Variants in SNTB1 observed in about 807,000 individuals in gnomAD.
SNTB1 encodes the protein beta-1-syntrophin.
In SNTB1, 36 loss-of-function variants were observed where a neutral mutation model predicts 48.9. That is an observed-to-expected ratio of 0.74 (90% CI 0.56 to 0.97). The LOEUF (loss-of-function observed/expected upper bound fraction) is 0.97, where lower values mean the gene tolerates loss of function less well. Ranked by LOEUF, SNTB1 falls within the 50% of genes least tolerant of loss-of-function variation. SNTB1 has a pLI of 0.00. For synonymous variants in SNTB1, 299 were observed against 294.6 expected (o/e 1.01, Z -0.15); for missense variants, 786 against 703.4 (o/e 1.12, Z -1.33).
At chr8:120,685,673 C>G (rs1818019016) in intron 2 of SNTB1, among the ~76,000 whole-genome samples, 1 of 152,172 alleles carries the variant, frequency 6.6e-6, no homozygotes. Context: ...TCAAAGGTTA[C>G]ACTCTTTGTA....
intron 2 of SNTB1, among the ~76,000 whole-genome samples, chr8:120,678,091 ACAC>A (rs1817868171): frequency 1.3e-5 from 2 of 152,186 alleles, no homozygotes; most frequent in African/African-American, 2.4e-5. Context: ...GGTGAAAAAA[ACAC>A]CACATTATAA....
intron 2 of SNTB1, among the ~76,000 whole-genome samples, chr8:120,690,837 A>G (rs1419646542): frequency 6.6e-6 from 1 of 152,068 alleles, no homozygotes; most frequent in African/African-American, 2.4e-5. Context: ...CTCTTCTTCT[A>G]CCATGGGCAA....
chr8:120,591,857 G>A (rs1309945111), intron 3 of SNTB1, among the ~76,000 whole-genome samples: 1 of 151,994 alleles, frequency 6.6e-6, no homozygotes, highest in East Asian at 1.9e-4. Context: ...CAGTCTCAGT[G>A]GCTACAAAGA....
chr8:120,809,873 G>C (rs1820397153), intron 1 of SNTB1, among the ~76,000 whole-genome samples: 1 of 152,156 alleles, frequency 6.6e-6, no homozygotes. Flanking sequence ...GGTGGGGGAG[G>C]ATTTCTCTGC....
At chr8:120,577,480 A>T (rs546895724) in intron 3 of SNTB1, among the ~76,000 whole-genome samples, 1 of 152,346 alleles carries the variant, frequency 6.6e-6, no homozygotes, top group East Asian at 1.9e-4. Flanking sequence ...GTCTCAAGGC[A>T]TAAAGTGTTT....
intron 2 of SNTB1, among the ~76,000 whole-genome samples, chr8:120,664,487 T>G (rs1817642068): frequency 6.6e-6 from 1 of 152,214 alleles, no homozygotes; most frequent in Admixed American, 6.5e-5. Flanking sequence ...ATTATAAGAT[T>G]AGTTTGCATT....
chr8:120,804,158 A>G (rs755899388), intron 1 of SNTB1, among the ~76,000 whole-genome samples: 3 of 151,720 alleles, frequency 2.0e-5, no homozygotes, highest in Admixed American at 6.6e-5. Context: ...TAATCTTCCA[A>G]TTCTTTCTCT....
chr8:120,541,683 CAAATA>C, intron 6 of SNTB1, 122 bp downstream of exon 6: 1 of 569,892 alleles, frequency 1.8e-6, no homozygotes, highest in East Asian at 3.2e-5. Context: ...TTTCAAGGAT[CAAATA>C]AAACATGGGC....
chr8:120,589,026 G>A (rs1409114997), intron 3 of SNTB1, among the ~76,000 whole-genome samples: 2 of 152,116 alleles, frequency 1.3e-5, no homozygotes, highest in African/African-American at 4.8e-5. Flanking sequence ...CTTGGATTCC[G>A]TGCCTTGTAT....
At chr8:120,579,669 ACT>A (rs1037277703) in intron 3 of SNTB1, among the ~76,000 whole-genome samples, 1 of 151,792 alleles carries the variant, frequency 6.6e-6, no homozygotes, top group Non-Finnish European at 1.5e-5. Context: ...ACAGAGTGAG[ACT>A]CTGTGTCAAA....
intron 3 of SNTB1, among the ~76,000 whole-genome samples, chr8:120,629,818 C>A (rs10108624): frequency 0.68 from 103,778 of 151,702 alleles, 35,748 homozygotes; most frequent in East Asian, 0.76. Flanking sequence ...CTTAAGGAGA[C>A]CTCTGGAACG....
At chr8:120,594,607 C>T (rs898093493) in intron 3 of SNTB1, among the ~76,000 whole-genome samples, 4 of 152,188 alleles carry the variant, frequency 2.6e-5, no homozygotes, top group Non-Finnish European at 5.9e-5. Flanking sequence ...TTCCTGGCCT[C>T]AAGCGATCCT....
At chr8:120,751,434 G>C (rs952387116) in intron 1 of SNTB1, among the ~76,000 whole-genome samples, 1 of 151,988 alleles carries the variant, frequency 6.6e-6, no homozygotes, top group African/African-American at 2.4e-5. Flanking sequence ...TTTTATTACT[G>C]CACATTCAAA....
intron 4 of SNTB1, among the ~76,000 whole-genome samples, chr8:120,554,868 C>A (rs541655163): frequency 1.4e-3 from 220 of 152,258 alleles, no homozygotes; most frequent in African/African-American, 5.1e-3. Flanking sequence ...GTTATAGGAT[C>A]TTTTTGGACT....
intron 3 of SNTB1, among the ~76,000 whole-genome samples, chr8:120,617,880 G>T (rs1166025290): frequency 6.6e-6 from 1 of 152,202 alleles, no homozygotes; most frequent in Non-Finnish European, 1.5e-5. Flanking sequence ...GCCTTTGAAG[G>T]CGATTCCAAA....
chr8:120,760,776 GA>G (rs1819406857), intron 1 of SNTB1, among the ~76,000 whole-genome samples: 1 of 151,988 alleles, frequency 6.6e-6, no homozygotes, highest in Non-Finnish European at 1.5e-5. Flanking sequence ...ATCTGACCTG[GA>G]AAAAGGGAAA....
chr8:120,692,301 T>C (rs887981289), intron 2 of SNTB1, among the ~76,000 whole-genome samples: 1 of 152,056 alleles, frequency 6.6e-6, no homozygotes, highest in Non-Finnish European at 1.5e-5. Context: ...CCCGATGGCT[T>C]TTCCCCATGA....
intron 2 of SNTB1, among the ~76,000 whole-genome samples, chr8:120,648,428 C>T (rs1817341540): frequency 1.3e-5 from 2 of 151,424 alleles, no homozygotes; most frequent in African/African-American, 2.4e-5. Flanking sequence ...ACTTATGAAG[C>T]TTAGTTTGGC....
intron 2 of SNTB1, among the ~76,000 whole-genome samples, chr8:120,640,335 T>G (rs1010256499): frequency 4.0e-4 from 61 of 152,234 alleles, no homozygotes; most frequent in African/African-American, 1.4e-3. Context: ...CAGGGACAAT[T>G]TGACTTCATC....
Sources: gnomAD v4.1 joint callset for allele counts (sites outside exome capture counted in the v4.1 genomes callset) on GRCh38, gnomAD v4.1.1 for gene constraint, MANE v1.5 for transcripts, NCBI Gene and HGNC (gene_info 2026-07-23, HGNC 2026-07-21) for gene names.